The following TRIM16 variants were observed in gnomAD, a reference collection of about 807,000 sequenced individuals.
The protein encoded by TRIM16 is tripartite motif containing 16.
In TRIM16, 33 loss-of-function variants were observed where a neutral mutation model predicts 50.4. That is an observed-to-expected ratio of 0.65 (90% confidence interval 0.50 to 0.88). TRIM16 has a LOEUF of 0.88. TRIM16 is among the 40% of genes least tolerant of loss of function. The pLI is 0.00. For synonymous variants in TRIM16, 229 were observed against 270.7 expected (o/e 0.85, Z 1.51); for missense variants, 581 against 686.8 (o/e 0.85, Z 1.72).
chr17:15,628,309 T>A lies in TRIM16; in HGVS notation c.*306A>T, dbSNP rs1010235818. ...CTGTAATCCCAGCTACTCGGGAGGC[T>A]GAGGCAGGAGAATTGCTTGAACTCG... is the stretch of plus-strand genomic sequence containing the variant. On this transcript the variant is annotated 3_prime_UTR_variant, in exon 12 of 12. Transcript: ENST00000649191. 1 of 246,746 alleles carries A rather than the reference T, an allele frequency of 4.1e-6. No individual in the cohort carries two copies. The highest frequency in any genetic ancestry group is 2.3e-5 in the African/African-American group (1 of 44,298). The allele number at this position is 246,746 out of a possible 1,614,324, so 15.3% of individuals were successfully genotyped here.
chr17:15,649,575 C>A (rs181997089), intron 7 of TRIM16, among the ~76,000 whole-genome samples: 88 of 152,298 alleles, frequency 5.8e-4, no homozygotes, highest in Middle Eastern at 3.4e-3. Context: ...TGTCAGTCAC[C>A]GTGCCCGGCT....
chr17:15,630,255 T>A (rs1390402166), intron 11 of TRIM16, among the ~76,000 whole-genome samples: 1 of 152,128 alleles, frequency 6.6e-6, no homozygotes, highest in Non-Finnish European at 1.5e-5. Flanking sequence ...TACCGATCCA[T>A]TCAGGCTACA....
chr17:15,665,098 G>A (rs1988426069), intron 6 of TRIM16, among the ~76,000 whole-genome samples: 1 of 151,654 alleles, frequency 6.6e-6, no homozygotes, highest in South Asian at 2.1e-4. Flanking sequence ...GCTCAACAGG[G>A]TGTGTTTGCT....
rs1292415088 is a variant in TRIM16 at position 15,631,768 on chromosome 17, C to G, written c.1016-54G>C. 3 of 1,575,310 alleles carry G rather than the reference C, an allele frequency of 1.9e-6. No homozygotes were observed. The African/African-American group carries it at 4.0e-5, about 21-fold the overall frequency. ...CACCTGTCCAGGTGGTCAGGAGAAT[C>G]TGCAAATCAGGACTTCCCAGCCACC... On this transcript the variant is annotated intron_variant, in intron 10 of 11. Coordinates refer to ENST00000649191, the MANE Select transcript of TRIM16 (RefSeq NM_001348119.1).
intron 6 of TRIM16, among the ~76,000 whole-genome samples, chr17:15,661,046 G>T (rs1988213989): frequency 6.6e-6 from 1 of 152,106 alleles, no homozygotes; most frequent in Admixed American, 6.5e-5. Flanking sequence ...TGTTATGGAG[G>T]GCTCCCAATA....
At chr17:15,665,322 A>G (rs1387827641) in intron 6 of TRIM16, among the ~76,000 whole-genome samples, 1 of 152,038 alleles carries the variant, frequency 6.6e-6, no homozygotes, top group Admixed American at 6.5e-5. Context: ...ATCCTGGCTA[A>G]CCCAGTGAAA....
chr17:15,644,168 A>C (rs1052898937), intron 7 of TRIM16, among the ~76,000 whole-genome samples: 4 of 152,174 alleles, frequency 2.6e-5, no homozygotes, highest in African/African-American at 9.7e-5. Flanking sequence ...AGCTCCCGGA[A>C]GCCCAGCCCT....
rs1330550384 is a variant in TRIM16, at chr17:15,659,055, C to T, written c.-337-7109G>A. The stretch of plus-strand genomic sequence containing the variant: ...AAGAAGGAGGGGCTGTCCCAGGGCA[C>T]TGCGTGTACCTTCCCTTCACAAAGA... On this transcript the variant is annotated intron_variant, in intron 6 of 11. Transcript: ENST00000649191. Among the ~76,000 whole-genome samples the T allele has an allele frequency of 3.3e-5, 5 of 152,346 alleles. No individual in the cohort carries two copies. The South Asian group carries it at 6.2e-4, about 19-fold the overall frequency.
chr17:15,637,041 C>T (rs1467479027), intron 8 of TRIM16, among the ~76,000 whole-genome samples: 2 of 148,716 alleles, frequency 1.3e-5, no homozygotes, highest in Non-Finnish European at 3.0e-5. Context: ...GTAGGAGCCT[C>T]TCCGCCCGGT....
At chr17:15,656,517 T>A (rs770660680) in intron 6 of TRIM16, among the ~76,000 whole-genome samples, 1 of 152,104 alleles carries the variant, frequency 6.6e-6, no homozygotes, top group Admixed American at 6.5e-5. Flanking sequence ...TCAGCCCCCA[T>A]CACAACATCT....
At chr17:15,637,947 C>A (rs1986917999) in intron 8 of TRIM16, among the ~76,000 whole-genome samples, 1 of 141,818 alleles carries the variant, frequency 7.1e-6, no homozygotes, top group African/African-American at 2.7e-5. Flanking sequence ...TGTGACCTTA[C>A]CCCCAACCCT....
rs1163321795 is a variant in TRIM16 at position 15,639,382 on chromosome 17, C to T, written c.616-3113G>A. Among the ~76,000 whole-genome samples the T allele has an allele frequency of 2.7e-5, 4 of 148,482 alleles. 1 individual carries two copies. Among genetic ancestry groups the T allele is most frequent in the Non-Finnish European group, 4.5e-5 (3 of 67,108 alleles). On this transcript the variant is annotated intron_variant, in intron 8 of 11. Transcript: ENST00000649191. The stretch of plus-strand genomic sequence containing the variant: ...ATTCTCATTTTTATGCCAACTTTTC[C>T]GTTGCCTGTTGGCTTCCTTGAGGTT...
At chr17:15,676,383 G>C (rs922254841) in intron 6 of TRIM16, among the ~76,000 whole-genome samples, 15 of 151,140 alleles carry the variant, frequency 9.9e-5, no homozygotes, top group African/African-American at 2.7e-4. Flanking sequence ...TCAGGGAAGA[G>C]AACTTCCATT....
At chr17:15,654,179 G>A (rs1218690911) in intron 6 of TRIM16, 1 of 152,216 alleles carries the variant, frequency 6.6e-6, no homozygotes, top group African/African-American at 2.4e-5. Context: ...AGAAATCCGA[G>A]AGACCTAGTG....
intron 6 of TRIM16, among the ~76,000 whole-genome samples, chr17:15,672,940 G>A (rs1356340740): frequency 6.6e-6 from 1 of 152,144 alleles, no homozygotes; most frequent in Non-Finnish European, 1.5e-5. Context: ...TTATATTTAG[G>A]CTACAAGAGA....
intron 6 of TRIM16, among the ~76,000 whole-genome samples, chr17:15,665,230 A>T (rs571176945): frequency 3.9e-5 from 6 of 152,160 alleles, no homozygotes; most frequent in Non-Finnish European, 8.8e-5. Context: ...GAGGCTGTAG[A>T]GGCCGGGCGC....
chr17:15,652,887 T>G (rs1318968708), intron 6 of TRIM16, among the ~76,000 whole-genome samples: 1 of 152,180 alleles, frequency 6.6e-6, no homozygotes, highest in Non-Finnish European at 1.5e-5. Flanking sequence ...CAGGGAAGAC[T>G]TGTCTCCTTC....
At chr17:15,667,987 A>T (rs1167688138) in intron 6 of TRIM16, among the ~76,000 whole-genome samples, 1 of 151,802 alleles carries the variant, frequency 6.6e-6, no homozygotes, top group East Asian at 1.9e-4. Context: ...CCCTTGAGTG[A>T]TCTCACCTAG....
chr17:15,634,113 A>C (rs1986586881), intron 9 of TRIM16, among the ~76,000 whole-genome samples: 1 of 143,138 alleles, frequency 7.0e-6, no homozygotes, highest in Non-Finnish European at 1.5e-5. Flanking sequence ...GTGGATCACG[A>C]GGTCAGGAGA....
Sources: gnomAD v4.1 joint callset for allele counts (sites outside exome capture counted in the v4.1 genomes callset) on GRCh38, gnomAD v4.1.1 for gene constraint, MANE v1.5 for transcripts, NCBI Gene and HGNC (gene_info 2026-07-23, HGNC 2026-07-21) for gene names.